Variants in IMMP2L observed in about 807,000 individuals in gnomAD.
IMMP2L encodes the protein inner mitochondrial membrane peptidase subunit 2, also known as mitochondrial inner membrane protease subunit 2.
Under a neutral mutation model 19.3 loss-of-function variants are expected in IMMP2L, and 18 were observed. The ratio of observed to expected loss-of-function variants is 0.93; its 90% CI spans 0.64 to 1.38. The LOEUF (loss-of-function observed/expected upper bound fraction) is 1.38. IMMP2L is among the 40% of genes most tolerant of loss of function. The pLI is 0.00. For synonymous variants in IMMP2L, 76 were observed against 73.0 expected, an observed-to-expected ratio of 1.04 and a Z score of -0.21; for missense variants, 233 against 218.2, an observed-to-expected ratio of 1.07 and a Z score of -0.43.
At chr7:111,162,607 T>C (rs890969866) in intron 3 of IMMP2L, among the ~76,000 whole-genome samples, 2 of 151,910 alleles carry the variant, frequency 1.3e-5, no homozygotes, top group African/African-American at 4.8e-5. Flanking sequence ...TGTTTGTGAA[T>C]CAAGGAGGAT....
Position 111,529,673 on chromosome 7 carries a change from G to A in IMMP2L, c.-2-8224C>T, listed in dbSNP as rs373396300. ...ATAAAGTTAGTCATTTTTTGGCAAAGATACCCAATAAAAAAGTCAACACTG... is the reference window on the plus strand; with the variant it reads ...ATAAAGTTAGTCATTTTTTGGCAAAAATACCCAATAAAAAAGTCAACACTG... On this transcript the variant is annotated intron_variant, in intron 1 of 5. Coordinates refer to ENST00000405709, the MANE Select transcript of IMMP2L (RefSeq NM_032549.4). Among the ~76,000 whole-genome samples the A allele has an allele frequency of 3.6e-4, 55 of 152,154 alleles. No individual in the cohort carries two copies. The South Asian group carries it at 0.01, about 29-fold the overall frequency.
At chr7:110,936,783 A>G (rs770200806) in intron 4 of IMMP2L, among the ~76,000 whole-genome samples, 26 of 152,226 alleles carry the variant, frequency 1.7e-4, no homozygotes, top group Non-Finnish European at 3.1e-4. Flanking sequence ...AAAACAGCAA[A>G]GGCTTGGAAC....
intron 5 of IMMP2L, among the ~76,000 whole-genome samples, chr7:110,695,850 G>T (rs940977296): frequency 6.6e-6 from 1 of 151,928 alleles, no homozygotes; most frequent in Admixed American, 6.5e-5. Context: ...AGAGACAAAA[G>T]ATGAATGACA....
At position 111,521,428 on chromosome 7, in the gene IMMP2L, C is replaced by A. The variant is rs779110259; in HGVS notation, c.20G>T (p.Trp7Leu). 6.2e-7 allele frequency: 1 copy of A among 1,612,388 alleles called. No homozygotes were observed. Among genetic ancestry groups the A allele is most frequent in the East Asian group, 2.2e-5 (1 of 44,856 alleles). The part of the protein sequence containing the change: MAQSQG[W>L]VKRYIKAFCK... Reference sequence around the variant, plus strand: ...AAAGGCCTTGATGTATCTTTTCACCCACCCTTGTGACTGTGCCATACCTAA... The same window carrying A: ...AAAGGCCTTGATGTATCTTTTCACCAACCCTTGTGACTGTGCCATACCTAA... Residue 7 changes from tryptophan to leucine, a missense_variant, in exon 2 of 6, where the codon TGG (tryptophan) becomes TTG (leucine). Physicochemically the swap from Trp to Leu is moderately conservative, Grantham distance 61 (BLOSUM62 -2). Coordinates refer to ENST00000405709, the MANE Select transcript of IMMP2L (RefSeq NM_032549.4).
intron 3 of IMMP2L, among the ~76,000 whole-genome samples, chr7:111,465,179 G>A (rs1840513541): frequency 6.6e-6 from 1 of 152,038 alleles, no homozygotes; most frequent in Non-Finnish European, 1.5e-5. Context: ...GCCATAATGG[G>A]CTCTCTGACC....
chr7:111,487,645 TGAG>T (rs1470889693), intron 2 of IMMP2L, among the ~76,000 whole-genome samples: 4 of 152,122 alleles, frequency 2.6e-5, no homozygotes, highest in African/African-American at 7.2e-5. Context: ...TATAAAAACA[TGAG>T]GAAGAAGTGA....
chr7:111,423,231 A>C (rs1835755343), intron 3 of IMMP2L, among the ~76,000 whole-genome samples: 1 of 151,866 alleles, frequency 6.6e-6, no homozygotes, highest in African/African-American at 2.4e-5. Flanking sequence ...TGGCCTCATA[A>C]AATGAGTTAA....
At chr7:111,152,117 GAAA>G (rs1804143516) in intron 3 of IMMP2L, among the ~76,000 whole-genome samples, 1 of 152,140 alleles carries the variant, frequency 6.6e-6, no homozygotes, top group African/African-American at 2.4e-5. Flanking sequence ...GTGGAAGGGA[GAAA>G]ATCGGTGAGG....
intron 3 of IMMP2L, among the ~76,000 whole-genome samples, chr7:111,076,386 T>C (rs1262559208): frequency 1.3e-5 from 2 of 152,218 alleles, no homozygotes; most frequent in South Asian, 4.1e-4. Flanking sequence ...CTATGGTTGG[T>C]AACATTTTTG....
intron 3 of IMMP2L, among the ~76,000 whole-genome samples, chr7:111,481,592 T>G (rs1300970762): frequency 6.6e-6 from 1 of 150,976 alleles, no homozygotes; most frequent in Non-Finnish European, 1.5e-5. Context: ...ACTTTAAAAA[T>G]ATTATGTTTT....
chr7:110,906,918 A>G (rs929772964), intron 4 of IMMP2L, among the ~76,000 whole-genome samples: 3 of 152,024 alleles, frequency 2.0e-5, no homozygotes, highest in Non-Finnish European at 4.4e-5. Flanking sequence ...TGCCTTGCTT[A>G]CTCAGCCCAC....
chr7:111,556,014 G>GTGTATATATATA, intron 1 of IMMP2L, among the ~76,000 whole-genome samples: 1 of 114,570 alleles, frequency 8.7e-6, no homozygotes, highest in African/African-American at 3.3e-5. Context: ...TCTTCTGTGT[G>GTGTATATATATA]CATGTATATA....
At chr7:111,197,029 G>A (rs1010862000) in intron 3 of IMMP2L, among the ~76,000 whole-genome samples, 2 of 152,174 alleles carry the variant, frequency 1.3e-5, no homozygotes, top group African/African-American at 4.8e-5. Context: ...GAACTCTCTT[G>A]AATCCTCTTA....
In IMMP2L at chr7:110,963,517, A is replaced by C; in HGVS notation, c.288T>G (p.Leu96=). The change falls in exon 4 of 6, where the codon CTT becomes CTG. Residue 96 remains leucine, a synonymous_variant. Transcript: ENST00000405709. ...EQKIIKRVIA[L]EGDIVRTIGH... ...ATACTTACCTGACAATATCTCCTTC[A>C]AGAGCAATCACTCTCTTAATGATCT... The C allele has an allele frequency of 6.2e-7, 1 of 1,602,820 alleles. No individual in the cohort carries two copies. The highest frequency in any genetic ancestry group is 8.5e-7 in the Non-Finnish European group (1 of 1,171,946).
chr7:111,503,061 G>A (rs1388569094), intron 2 of IMMP2L, among the ~76,000 whole-genome samples: 5 of 151,840 alleles, frequency 3.3e-5, no homozygotes, highest in South Asian at 2.1e-4. Context: ...CAACAAAATC[G>A]ATAGACTGCT....
intron 3 of IMMP2L, among the ~76,000 whole-genome samples, chr7:111,392,626 C>G (rs1832470895): frequency 6.6e-6 from 1 of 152,136 alleles, no homozygotes; most frequent in Non-Finnish European, 1.5e-5. Flanking sequence ...CTGATAATAA[C>G]AACCAGGAGT....
At chr7:111,302,096 C>T (rs1271060536) in intron 3 of IMMP2L, among the ~76,000 whole-genome samples, 1 of 152,012 alleles carries the variant, frequency 6.6e-6, no homozygotes, top group African/African-American at 2.4e-5. Flanking sequence ...CATCACCAGT[C>T]TTTTTGTTCT....
At chr7:111,142,508 G>A (rs1803043875) in intron 3 of IMMP2L, among the ~76,000 whole-genome samples, 1 of 152,034 alleles carries the variant, frequency 6.6e-6, no homozygotes, top group South Asian at 2.1e-4. Context: ...CAGAAAAAGT[G>A]CAACAAGTAG....
chr7:111,369,710 T>C (rs1054885111), intron 3 of IMMP2L, among the ~76,000 whole-genome samples: 3 of 152,010 alleles, frequency 2.0e-5, no homozygotes, highest in African/African-American at 7.2e-5. Context: ...TTAACACTTA[T>C]CAAGCATTAA....
Sources: allele counts gnomAD v4.1 joint callset (sites outside exome capture counted in the v4.1 genomes callset), GRCh38; gene constraint gnomAD v4.1.1; transcripts MANE v1.5; gene names NCBI Gene and HGNC (gene_info 2026-07-23, HGNC 2026-07-21).